Variants in WASHC2C observed in about 807,000 individuals in gnomAD.
The protein encoded by WASHC2C is WASH complex subunit 2C, also known as Vaccinia Penetration Factor.
WASHC2C carries 73 observed loss-of-function variants against 142.2 expected under a neutral mutation model. The observed-to-expected ratio is 0.51, with a 90% CI of 0.43 to 0.62. The LOEUF (loss-of-function observed/expected upper bound fraction) is 0.62. Ranked by LOEUF, WASHC2C falls within the 20% of genes least tolerant of loss-of-function variation. The pLI is 0.00. For synonymous variants in WASHC2C, 337 were observed against 565.5 expected, an observed-to-expected ratio of 0.60 and a Z score of 5.73; for missense variants, 969 against 1,531.7, an observed-to-expected ratio of 0.63 and a Z score of 6.13.
intron 11 of WASHC2C, among the ~76,000 whole-genome samples, 199 bp downstream of exon 11, chr10:45,751,752 T>C (rs1260890424): frequency 1.8e-4 from 27 of 151,640 alleles, no homozygotes; most frequent in Middle Eastern, 3.4e-3. Context: ...CCGAGGCGGG[T>C]GGATCATGAG....
intron 21 of WASHC2C, among the ~76,000 whole-genome samples, chr10:45,776,864 G>T (rs1291370687): frequency 2.9e-4 from 38 of 132,100 alleles, no homozygotes; most frequent in African/African-American, 1.0e-3. Context: ...CATGCAAGGA[G>T]TGCTGGTTTG....
intron 19 of WASHC2C, among the ~76,000 whole-genome samples, chr10:45,767,930 G>GTT (rs2056098260): frequency 1.5e-5 from 2 of 129,320 alleles, no homozygotes; most frequent in South Asian, 5.5e-4. Flanking sequence ...GAACTTAAAA[G>GTT]AGTGCTGACA....
chr10:45,756,829 A>G (rs2054364399), intron 15 of WASHC2C, among the ~76,000 whole-genome samples, 183 bp from the exon 16 acceptor site: 1 of 152,224 alleles, frequency 6.6e-6, no homozygotes, highest in Admixed American at 6.5e-5. Context: ...CTGAACTGCT[A>G]CTATGCACTT....
At chr10:45,729,688 A>G (rs1245678774) in intron 3 of WASHC2C, among the ~76,000 whole-genome samples, 2 of 150,568 alleles carry the variant, frequency 1.3e-5, no homozygotes, top group African/African-American at 4.9e-5. Context: ...GAGGATGGAG[A>G]GGAAGCTTAG....
chr10:45,738,173 G>T (rs1240408057), intron 4 of WASHC2C, 128 bp downstream of exon 4: 2 of 1,578,724 alleles, frequency 1.3e-6, no homozygotes, highest in African/African-American at 1.4e-5. Flanking sequence ...CCTGACAGCA[G>T]CCCAAGAGGG....
rs759266722 is a variant in WASHC2C, at chr10:45,736,599, C to CTAAA, written c.292-1368_292-1365dup. Among the ~76,000 whole-genome samples the CTAAA allele has an allele frequency of 3.3e-5, 5 of 150,930 alleles. No individual in the cohort carries two copies. The East Asian group carries it at 5.9e-4, about 18-fold the overall frequency. On this transcript the variant is annotated intron_variant, in intron 3 of 30. Transcript: ENST00000623400. The stretch of plus-strand genomic sequence containing the variant: ...TGGGTGACAGAGCTAGACTCTGTCT[C>CTAAA]TAAATAAATAAATAAATAAGCAGGA...
intron 2 of WASHC2C, among the ~76,000 whole-genome samples, chr10:45,727,760 T>C (rs1230931716): frequency 2.6e-5 from 4 of 151,852 alleles, no homozygotes; most frequent in African/African-American, 7.2e-5. Flanking sequence ...GTTCCCTTCA[T>C]GGGGTTTCTG....
chr10:45,747,337 T>G (rs1334897994), intron 8 of WASHC2C, among the ~76,000 whole-genome samples: 2 of 151,890 alleles, frequency 1.3e-5, no homozygotes, highest in Admixed American at 6.6e-5. Flanking sequence ...AGAGATGGGG[T>G]TTCACCATGT....
chr10:45,740,588 G>C (rs1314510409), intron 5 of WASHC2C, among the ~76,000 whole-genome samples: 4 of 152,210 alleles, frequency 2.6e-5, no homozygotes, highest in African/African-American at 9.6e-5. Context: ...TTGGGGCAAA[G>C]ATGATATTTG....
At chr10:45,784,260 A>ATG (rs2057770845) in intron 23 of WASHC2C, among the ~76,000 whole-genome samples, 2 of 5,194 alleles carry the variant, frequency 3.9e-4, no homozygotes, top group African/African-American at 7.4e-4. Flanking sequence ...GTGTATATAT[A>ATG]TATATATATA....
chr10:45,779,950 A>T (rs2135559950), intron 23 of WASHC2C, among the ~76,000 whole-genome samples: 1 of 150,782 alleles, frequency 6.6e-6, no homozygotes, highest in Admixed American at 6.7e-5. Flanking sequence ...GCACCACTGC[A>T]CTCCAGTGTG....
At chr10:45,790,672 G>C in intron 30 of WASHC2C, 139 bp downstream of exon 30, 1 of 742,378 alleles carries the variant, frequency 1.3e-6, no homozygotes, top group South Asian at 1.5e-5. Context: ...GAGTTAGGCT[G>C]AAGATAGGTA....
intron 19 of WASHC2C, among the ~76,000 whole-genome samples, chr10:45,768,478 G>A (rs566376201): frequency 6.6e-6 from 1 of 152,226 alleles, no homozygotes; most frequent in East Asian, 1.9e-4. Flanking sequence ...AAATAGGGGC[G>A]GGGCCTGAAA....
At position 45,727,290 on chromosome 10, in the gene WASHC2C, T is replaced by C; in HGVS notation, c.-28T>C. 3.9e-6 allele frequency: 6 copies of C among 1,557,866 alleles called. No homozygotes were observed. Among genetic ancestry groups the C allele is most frequent in the South Asian group, 1.2e-5 (1 of 85,610 alleles). On this transcript the variant is annotated 5_prime_UTR_variant, in exon 1 of 31. Transcript: ENST00000623400. The stretch of plus-strand genomic sequence containing the variant: ...CGGTCCTCGGCCTGTGCTGGCAGCC[T>C]CGGAGCCCACCGAGCCGGGCGGCTG...
rs782731741 is a variant in WASHC2C, at chr10:45,755,087, G to C, written c.1392G>C (p.Ser464=). The change falls in exon 15 of 31, where the codon TCG becomes TCC. Residue 464 remains serine (S), a synonymous_variant. Coordinates refer to ENST00000623400, the MANE Select transcript of WASHC2C (RefSeq NM_001330074.2). The part of the protein sequence containing the change: ...DDGDDDDDFF[S]APHSKPSKTR... ...GTGATGATGATGACGACTTTTTCTC[G>C]GCACCCCACAGCAAACCTTCTAAAA... The C allele has an allele frequency of 6.2e-7, 1 of 1,610,514 alleles. No individual in the cohort carries two copies. The highest frequency in any genetic ancestry group is 1.1e-5 in the South Asian group (1 of 90,854).
intron 11 of WASHC2C, 60 bp from the exon 12 acceptor site, chr10:45,752,528 A>G (rs2053731940): frequency 7.2e-7 from 1 of 1,398,260 alleles, no homozygotes; most frequent in Non-Finnish European, 1.0e-6. Context: ...CCAACCCGGG[A>G]ATTTGAGTTC....
intron 18 of WASHC2C, 121 bp downstream of exon 18, chr10:45,763,610 G>A: frequency 3.7e-6 from 3 of 804,654 alleles, no homozygotes; most frequent in Non-Finnish European, 6.1e-6. Context: ...CAGGCTACCT[G>A]AAGTTTATAT....
Position 45,758,020 on chromosome 10 carries a change from G to A in WASHC2C, c.1548+881G>A, listed in dbSNP as rs1307756975. Among the ~76,000 whole-genome samples, 4 of 152,116 alleles carry A rather than the reference G, an allele frequency of 2.6e-5. No homozygotes were observed. The East Asian group carries it at 7.7e-4, about 29-fold the overall frequency. On this transcript the variant is annotated intron_variant, in intron 16 of 30. Coordinates refer to ENST00000623400, the MANE Select transcript of WASHC2C (RefSeq NM_001330074.2). ...CAGTGTGTCTGCATTGCATTTGGTT[G>A]TCATGTCTCTTTGGTCTCCTTAATC...
At chr10:45,757,985 A>T (rs557124463) in intron 16 of WASHC2C, among the ~76,000 whole-genome samples, 1 of 152,300 alleles carries the variant, frequency 6.6e-6, no homozygotes, top group African/African-American at 2.4e-5. Flanking sequence ...TAAGAAACTC[A>T]GGATTCGGAC....
Sources: allele counts gnomAD v4.1 joint callset (sites outside exome capture counted in the v4.1 genomes callset), GRCh38; gene constraint gnomAD v4.1.1; transcripts MANE v1.5; gene names NCBI Gene and HGNC (gene_info 2026-07-23, HGNC 2026-07-21).